The following GNAI1 variants were observed in gnomAD, a reference collection of about 807,000 sequenced individuals.
GNAI1 encodes the protein guanine nucleotide-binding protein G(i) subunit alpha-1.
In GNAI1, 11 loss-of-function variants were observed where a neutral mutation model predicts 38.9. That is an observed-to-expected ratio of 0.28 (90% CI 0.18 to 0.47). GNAI1 has a LOEUF of 0.47. Ranked by LOEUF, GNAI1 falls within the 20% of genes least tolerant of loss-of-function variation. The pLI, the probability that GNAI1 is intolerant of heterozygous loss-of-function variation, is 0.99. For synonymous variants in GNAI1, 166 were observed against 145.1 expected (o/e 1.14, Z -1.04); for missense variants, 317 against 436.9 (o/e 0.73, Z 2.45).
Position 80,199,213 on chromosome 7 carries a change from TTGAA to T in GNAI1, c.304-9_304-6del. 6.3e-7 allele frequency: 1 copy of T among 1,579,654 alleles called. No homozygotes were observed. The highest frequency in any genetic ancestry group is 1.2e-5 in the South Asian group (1 of 85,008). ...TCCCTTTTTACTTAAAAAATGTCCTTTGAATGTTCAGGATGATGCACGCCAACTC... is the reference window on the plus strand; with the variant it reads ...TCCCTTTTTACTTAAAAAATGTCCTTTGTTCAGGATGATGCACGCCAACTC... On this transcript the variant is annotated splice_region_variant and splice_polypyrimidine_tract_variant and intron_variant, in intron 3 of 7. Transcript: ENST00000649796.
chr7:80,158,271 T>A lies in GNAI1; in HGVS notation c.118+22993T>A, dbSNP rs76164325. ...GATATCTACAAAATAATTTGCTGGC[T>A]AATTCCGTAACTCTTAATGAGGTGT... is the stretch of plus-strand genomic sequence containing the variant. On this transcript the variant is annotated intron_variant, in intron 1 of 7. Transcript: ENST00000649796. Among the ~76,000 whole-genome samples, 87 of 152,342 alleles carry A rather than the reference T, an allele frequency of 5.7e-4. 1 individual carries two copies. The East Asian group carries it at 0.015, about 27-fold the overall frequency.
rs398005254 is a variant in GNAI1, at chr7:80,137,317, CTT to C, written c.118+2059_118+2060del. ...TCTTTTTTTTTTTTTCTTTTCTTTTCTTTTTTTTTTTTTTTTTTTTTGAGACG... is the reference window on the plus strand; with the variant it reads ...TCTTTTTTTTTTTTTCTTTTCTTTTCTTTTTTTTTTTTTTTTTTTGAGACG... On this transcript the variant is annotated intron_variant, in intron 1 of 7. Coordinates refer to ENST00000649796, the MANE Select transcript of GNAI1 (RefSeq NM_002069.6). Among the ~76,000 whole-genome samples, 11 of 53,984 alleles carry C rather than the reference CTT, an allele frequency of 2.0e-4. No individual in the cohort carries two copies. In the East Asian group the frequency reaches 2.8e-3, roughly 14 times the overall value. 35.4% of individuals were successfully genotyped at this position (53,984 alleles called of 152,430 possible). A position where few individuals can be genotyped will look rare whatever the true frequency, so the allele number is the denominator to read the frequency against.
intron 1 of GNAI1, among the ~76,000 whole-genome samples, chr7:80,137,742 C>T (rs1031764142): frequency 6.6e-6 from 1 of 152,032 alleles, no homozygotes; most frequent in Non-Finnish European, 1.5e-5. Flanking sequence ...TTTGCTTTTC[C>T]CTACCTCTCT....
At chr7:80,153,737 A>G (rs550233217) in intron 1 of GNAI1, among the ~76,000 whole-genome samples, 153 of 152,220 alleles carry the variant, frequency 1.0e-3, no homozygotes, top group Non-Finnish European at 1.9e-3. Context: ...AATTTAGGTA[A>G]CACAAAGTGG....
intron 1 of GNAI1, among the ~76,000 whole-genome samples, chr7:80,168,083 G>A (rs549663046): frequency 2.0e-5 from 3 of 152,206 alleles, no homozygotes; most frequent in East Asian, 1.9e-4. Flanking sequence ...CTGGGCTAGC[G>A]CTATCCTTTT....
chr7:80,176,597 C>G (rs1046301012), intron 1 of GNAI1, among the ~76,000 whole-genome samples: 1 of 152,158 alleles, frequency 6.6e-6, no homozygotes, highest in Admixed American at 6.5e-5. Context: ...CTGCTGAAGT[C>G]AGTGCTCATT....
At chr7:80,192,539 C>T (rs530909692) in intron 3 of GNAI1, among the ~76,000 whole-genome samples, 2 of 152,218 alleles carry the variant, frequency 1.3e-5, no homozygotes, top group South Asian at 4.1e-4. Context: ...ATTCAACCTC[C>T]CTAAGCTTGT....
Position 80,193,805 on chromosome 7 carries a change from TCTA to T in GNAI1, c.303+4578_303+4580del, listed in dbSNP as rs1355213747. On this transcript the variant is annotated intron_variant, in intron 3 of 7. Coordinates refer to ENST00000649796, the MANE Select transcript of GNAI1 (RefSeq NM_002069.6). Reference sequence around the variant, plus strand: ...ATATTTTGTGTGTCATTTAATTTTTTCTACTATTATTCTGGAATAGACTGGAAA... The same window carrying T: ...ATATTTTGTGTGTCATTTAATTTTTTCTATTATTCTGGAATAGACTGGAAA... 3.9e-5 allele frequency among the ~76,000 whole-genome samples: 6 copies of T among 152,332 alleles called. No individual in the cohort carries two copies. The East Asian group carries it at 5.8e-4, about 15-fold the overall frequency.
chr7:80,168,121 A>G (rs923367727), intron 1 of GNAI1, among the ~76,000 whole-genome samples: 1 of 152,142 alleles, frequency 6.6e-6, no homozygotes, highest in Non-Finnish European at 1.5e-5. Flanking sequence ...AGCTGACTCC[A>G]TGAGAACTTC....
intron 1 of GNAI1, among the ~76,000 whole-genome samples, chr7:80,175,403 C>T (rs552005325): frequency 8.2e-4 from 123 of 150,150 alleles, no homozygotes; most frequent in Non-Finnish European, 1.1e-3. Flanking sequence ...TAATGAAAGA[C>T]ATCAACATTT....
Position 80,196,263 on chromosome 7 carries a change from G to A in GNAI1, c.304-2962G>A, listed in dbSNP as rs77796441. Among the ~76,000 whole-genome samples, 644 of 151,932 alleles carry A rather than the reference G, an allele frequency of 4.2e-3. 4 individuals carry two copies. The highest frequency in any genetic ancestry group is 0.015 in the African/African-American group (602 of 41,484). On this transcript the variant is annotated intron_variant, in intron 3 of 7. Coordinates refer to ENST00000649796, the MANE Select transcript of GNAI1 (RefSeq NM_002069.6). ...AGTAATTTGAAAATATTTTAGCTTT[G>A]CTACATGCAAGGAATTTTTCTGTCA... is the stretch of plus-strand genomic sequence containing the variant.
intron 1 of GNAI1, among the ~76,000 whole-genome samples, chr7:80,138,003 A>G (rs1416734582): frequency 6.6e-6 from 1 of 152,228 alleles, no homozygotes; most frequent in African/African-American, 2.4e-5. Flanking sequence ...GCTAAATGAA[A>G]TAATTCCATG....
chr7:80,177,427 C>G (rs201775610), intron 1 of GNAI1, among the ~76,000 whole-genome samples: 5 of 152,178 alleles, frequency 3.3e-5, no homozygotes, highest in African/African-American at 1.2e-4. Context: ...TATTTCTGCT[C>G]TTTCACAATG....
chr7:80,149,624 T>G (rs1787689970), intron 1 of GNAI1, among the ~76,000 whole-genome samples: 1 of 152,150 alleles, frequency 6.6e-6, no homozygotes, highest in Non-Finnish European at 1.5e-5. Flanking sequence ...GAAGTTAATG[T>G]GCTCCATTTT....
At chr7:80,196,296 G>T (rs1788571297) in intron 3 of GNAI1, among the ~76,000 whole-genome samples, 1 of 151,748 alleles carries the variant, frequency 6.6e-6, no homozygotes. Context: ...TCAAATAATT[G>T]CCTGGCAAAT....
chr7:80,205,295 G>GT (rs1489548390), intron 5 of GNAI1, among the ~76,000 whole-genome samples: 1 of 151,904 alleles, frequency 6.6e-6, no homozygotes, highest in Non-Finnish European at 1.5e-5. Flanking sequence ...GTTCTTTTAA[G>GT]TTTAACAGAT....
chr7:80,149,447 C>T (rs1265634170), intron 1 of GNAI1, among the ~76,000 whole-genome samples: 1 of 152,032 alleles, frequency 6.6e-6, no homozygotes, highest in Admixed American at 6.6e-5. Context: ...AGTTTCTATC[C>T]CTACAGGAGG....
chr7:80,217,084 T>C, intron 7 of GNAI1, among the ~76,000 whole-genome samples: 1 of 152,018 alleles, frequency 6.6e-6, no homozygotes, highest in South Asian at 2.1e-4. Flanking sequence ...AAATTTTTTG[T>C]TTAAGGGATA....
At chr7:80,202,765 C>G (rs1456267384) in intron 4 of GNAI1, among the ~76,000 whole-genome samples, 1 of 152,180 alleles carries the variant, frequency 6.6e-6, no homozygotes, top group Non-Finnish European at 1.5e-5. Flanking sequence ...TCTCTACATT[C>G]AGCTGACCTT....
Sources: allele counts gnomAD v4.1 joint callset (sites outside exome capture counted in the v4.1 genomes callset), GRCh38; gene constraint gnomAD v4.1.1; transcripts MANE v1.5; gene names NCBI Gene and HGNC (gene_info 2026-07-23, HGNC 2026-07-21).